R3HDM1: variants seen among roughly 807,000 people sequenced by gnomAD.
R3HDM1 encodes the protein R3H domain-containing protein 1.
A neutral mutation model predicts 141.1 loss-of-function variants in R3HDM1; 46 were observed. The ratio of observed to expected loss-of-function variants is 0.33; its 90% CI spans 0.26 to 0.42. The LOEUF (loss-of-function observed/expected upper bound fraction) is 0.42. R3HDM1 is among the 10% of genes least tolerant of loss of function. The probability of loss-of-function intolerance (pLI) is 1.00; values close to 1 mark genes in which losing one functional copy is unlikely to be tolerated. For synonymous variants in R3HDM1, 435 were observed against 472.9 expected (o/e 0.92, Z 1.04); for missense variants, 1,184 against 1,368.3 (o/e 0.87, Z 2.12).
At chr2:135,652,247 G>A (rs549436359) in intron 18 of R3HDM1, among the ~76,000 whole-genome samples, 1 of 152,284 alleles carries the variant, frequency 6.6e-6, no homozygotes, top group South Asian at 2.1e-4. Context: ...AAGTATGTGA[G>A]CTTTGAGGGG....
intron 1 of R3HDM1, chr2:135,577,068 G>T: frequency 1.1e-6 from 1 of 922,120 alleles, no homozygotes; most frequent in Non-Finnish European, 1.3e-6. Context: ...CTCCAAACAG[G>T]TTAAGAATCT....
chr2:135,549,985 A>C (rs1295955334), intron 1 of R3HDM1: 3 of 968,018 alleles, frequency 3.1e-6, no homozygotes, highest in African/African-American at 3.5e-5. Context: ...TTCTTTGGTA[A>C]AGATTATTGT....
At chr2:135,641,177 G>A (rs1559320368) in intron 14 of R3HDM1, among the ~76,000 whole-genome samples, 2 of 151,990 alleles carry the variant, frequency 1.3e-5, no homozygotes, top group Non-Finnish European at 2.9e-5. Flanking sequence ...CTTTTTCCTG[G>A]GGGAAAATTA....
intron 1 of R3HDM1, among the ~76,000 whole-genome samples, chr2:135,564,979 C>T (rs759995585): frequency 3.9e-5 from 6 of 152,078 alleles, no homozygotes; most frequent in African/African-American, 7.2e-5. Context: ...TTTTGTTTCA[C>T]CTAAAATGTC....
At chr2:135,545,902 G>A (rs1010267390) in intron 1 of R3HDM1, among the ~76,000 whole-genome samples, 2 of 152,210 alleles carry the variant, frequency 1.3e-5, no homozygotes, top group Non-Finnish European at 2.9e-5. Context: ...CTATTAGAAT[G>A]TGAGAAGTCA....
At chr2:135,641,513 A>G (rs1482725038) in intron 14 of R3HDM1, 23 bp from the exon 15 acceptor site, 5 of 1,569,680 alleles carry the variant, frequency 3.2e-6, no homozygotes, top group Middle Eastern at 3.4e-4. Context: ...AAAAATCCAT[A>G]TTTTTCATTA....
chr2:135,546,865 T>G (rs1055267891), intron 1 of R3HDM1, among the ~76,000 whole-genome samples: 3 of 152,084 alleles, frequency 2.0e-5, no homozygotes, highest in Non-Finnish European at 4.4e-5. Flanking sequence ...AGAGATGGAG[T>G]TTCACCATGT....
At chr2:135,621,763 G>T (rs2105178624) in intron 6 of R3HDM1, 155 bp downstream of exon 6, 2 of 971,054 alleles carry the variant, frequency 2.1e-6, no homozygotes, top group African/African-American at 3.5e-5. Flanking sequence ...TGGGCAAAAT[G>T]GTTTAACACA....
At chr2:135,644,927 C>T (rs1469126802) in intron 15 of R3HDM1, among the ~76,000 whole-genome samples, 2 of 151,992 alleles carry the variant, frequency 1.3e-5, no homozygotes, top group East Asian at 3.9e-4. Context: ...ACGAAAAATA[C>T]AAATATTAGC....
chr2:135,539,380 T>C (rs1239489632), intron 1 of R3HDM1, among the ~76,000 whole-genome samples: 1 of 152,126 alleles, frequency 6.6e-6, no homozygotes, highest in African/African-American at 2.4e-5. Flanking sequence ...GTGAGTAATG[T>C]GTTGTGTTAT....
At position 135,643,635 on chromosome 2, in the gene R3HDM1, G is replaced by A. The variant is rs546121197; in HGVS notation, c.1475-1744G>A. 3.6e-4 allele frequency among the ~76,000 whole-genome samples: 55 copies of A among 152,132 alleles called. 1 individual carries two copies. The South Asian group carries it at 0.011, about 31-fold the overall frequency. On this transcript the variant is annotated intron_variant, in intron 15 of 26. Transcript: ENST00000683871. ...CTTTTAATCTACTTATTGAAAAAATGTCTGGAAGACAGTATCTGAAATGTT... is the reference window on the plus strand; with the variant it reads ...CTTTTAATCTACTTATTGAAAAAATATCTGGAAGACAGTATCTGAAATGTT...
chr2:135,629,296 A>G (rs2062394420), intron 7 of R3HDM1, among the ~76,000 whole-genome samples: 1 of 151,162 alleles, frequency 6.6e-6, no homozygotes, highest in South Asian at 2.1e-4. Flanking sequence ...AGCCTGGGGG[A>G]CAGAGCGAGA....
At chr2:135,644,005 T>G (rs1481781319) in intron 15 of R3HDM1, among the ~76,000 whole-genome samples, 1 of 152,138 alleles carries the variant, frequency 6.6e-6, no homozygotes, top group Non-Finnish European at 1.5e-5. Context: ...GAAAAATAAC[T>G]AATGGGTGAC....
chr2:135,709,412 G>GT (rs763370240), intron 21 of R3HDM1, 21 bp from the exon 22 acceptor site: 43 of 1,613,242 alleles, frequency 2.7e-5, no homozygotes, highest in Admixed American at 3.3e-5. Context: ...TCATTATGCT[G>GT]TTTTTTTGTT....
intron 1 of R3HDM1, 171 bp downstream of exon 1, chr2:135,531,804 C>T: frequency 1.0e-6 from 1 of 985,382 alleles, no homozygotes; most frequent in Non-Finnish European, 1.2e-6. Context: ...CAGCCAGGGC[C>T]TTCTGACGTC....
rs114371065 is a variant in R3HDM1, at chr2:135,643,432, G to C, written c.1474+1642G>C. ...TAAGTTTCCTCAAAAAAAAAAAATG[G>C]AAAGGGATTTACTATGGAAGAACAG... On this transcript the variant is annotated intron_variant, in intron 15 of 26. Coordinates refer to ENST00000683871, the MANE Select transcript of R3HDM1 (RefSeq NM_001378107.1). 2.9e-3 allele frequency among the ~76,000 whole-genome samples: 438 copies of C among 151,510 alleles called. 2 individuals carry two copies. The highest frequency in any genetic ancestry group is 1.0e-2 in the African/African-American group (412 of 41,320).
At chr2:135,605,044 A>T in intron 3 of R3HDM1, 28 bp downstream of exon 3, 1 of 1,469,478 alleles carries the variant, frequency 6.8e-7, no homozygotes, top group Non-Finnish European at 9.4e-7. Context: ...TCTGGCTACA[A>T]ATACTAAATA....
At chr2:135,723,852 C>A in intron 26 of R3HDM1, 85 bp from the exon 27 acceptor site, 2 of 890,320 alleles carry the variant, frequency 2.2e-6, no homozygotes, top group East Asian at 2.5e-5. Context: ...GGTCATTTCC[C>A]ATGTCATATT....
intron 1 of R3HDM1, chr2:135,597,132 T>G: frequency 1.0e-6 from 1 of 977,896 alleles, no homozygotes; most frequent in African/African-American, 1.7e-5. Context: ...CACTAATTAT[T>G]CTCTCTCATT....
Sources: allele counts gnomAD v4.1 joint callset (sites outside exome capture counted in the v4.1 genomes callset), GRCh38; gene constraint gnomAD v4.1.1; transcripts MANE v1.5; gene names NCBI Gene and HGNC (gene_info 2026-07-23, HGNC 2026-07-21).